The following ADGRB3 variants were observed in gnomAD, a reference collection of about 807,000 sequenced individuals.
ADGRB3 encodes brain-specific angiogenesis inhibitor 3.
ADGRB3 carries 37 observed loss-of-function variants against 193.4 expected under a neutral mutation model. The observed-to-expected ratio is 0.19, with a 90% CI of 0.15 to 0.25. ADGRB3 has a LOEUF of 0.25. Among genes scored for constraint, ADGRB3 ranks in the 10% least tolerant of loss-of-function variants. The pLI is 1.00. For synonymous variants in ADGRB3, 690 were observed against 644.2 expected (o/e 1.07, Z -1.08); for missense variants, 1,637 against 1,852.9 (o/e 0.88, Z 2.14).
chr6:68,967,934 C>T (rs895697995), intron 8 of ADGRB3, among the ~76,000 whole-genome samples: 1 of 151,988 alleles, frequency 6.6e-6, no homozygotes, highest in Non-Finnish European at 1.5e-5. Flanking sequence ...AAAGAACCTG[C>T]ACACAAGCTC....
At chr6:69,282,294 A>G (rs1425150004) in intron 20 of ADGRB3, among the ~76,000 whole-genome samples, 1 of 152,202 alleles carries the variant, frequency 6.6e-6, no homozygotes, top group Non-Finnish European at 1.5e-5. Flanking sequence ...GAACTAAATG[A>G]TGAGATGGGC....
chr6:68,936,743 A>G, intron 5 of ADGRB3, 63 bp downstream of exon 5: 2 of 1,521,080 alleles, frequency 1.3e-6, no homozygotes, highest in Non-Finnish European at 1.8e-6. Context: ...CGCATTTGGA[A>G]CGATTTGTTA....
chr6:68,742,055 A>G (rs1196625919), intron 3 of ADGRB3, among the ~76,000 whole-genome samples: 1 of 152,206 alleles, frequency 6.6e-6, no homozygotes, highest in Non-Finnish European at 1.5e-5. Context: ...AAATATGAAG[A>G]AAACTACATG....
chr6:68,948,633 G>A (rs1032666696), intron 6 of ADGRB3, among the ~76,000 whole-genome samples: 1 of 151,942 alleles, frequency 6.6e-6, no homozygotes, highest in Non-Finnish European at 1.5e-5. Flanking sequence ...TTTTCCCCTA[G>A]TCAGTAGTTG....
intron 17 of ADGRB3, among the ~76,000 whole-genome samples, chr6:69,115,949 T>A (rs1280942672): frequency 2.0e-5 from 3 of 152,286 alleles, no homozygotes; most frequent in Non-Finnish European, 4.4e-5. Flanking sequence ...AAAAGCATTT[T>A]AAGGAATTGG....
intron 17 of ADGRB3, among the ~76,000 whole-genome samples, chr6:69,173,339 G>A (rs1775338869): frequency 6.6e-6 from 1 of 152,228 alleles, no homozygotes; most frequent in African/African-American, 2.4e-5. Flanking sequence ...TGCCCAGCCA[G>A]GCCAGGCAAG....
chr6:68,913,658 A>G (rs566135726), intron 3 of ADGRB3, among the ~76,000 whole-genome samples: 1 of 152,260 alleles, frequency 6.6e-6, no homozygotes, highest in Non-Finnish European at 1.5e-5. Context: ...AAAGGAACAC[A>G]GTTCCTCACC....
chr6:68,703,194 A>G (rs1000026208), intron 3 of ADGRB3, among the ~76,000 whole-genome samples: 5 of 152,172 alleles, frequency 3.3e-5, no homozygotes, highest in Non-Finnish European at 7.3e-5. Flanking sequence ...AAGCGGCCAT[A>G]ATGTTGAACA....
At chr6:69,334,106 T>A (rs963699332) in intron 24 of ADGRB3, among the ~76,000 whole-genome samples, 1 of 151,984 alleles carries the variant, frequency 6.6e-6, no homozygotes, top group Non-Finnish European at 1.5e-5. Context: ...CATATAAATT[T>A]GTTGACACTT....
At chr6:68,668,155 C>CA (rs1205853517) in intron 3 of ADGRB3, among the ~76,000 whole-genome samples, 5 of 152,046 alleles carry the variant, frequency 3.3e-5, no homozygotes, top group East Asian at 1.9e-4. Flanking sequence ...CTGCTAGAGC[C>CA]AAAAAACTGA....
chr6:69,356,653 ACCTTTCTGTG>A (rs1339149388), intron 28 of ADGRB3, among the ~76,000 whole-genome samples: 1 of 152,114 alleles, frequency 6.6e-6, no homozygotes, highest in Admixed American at 6.6e-5. Flanking sequence ...AGTCAATTTA[ACCTTTCTGTG>A]CCTCTATTTT....
intron 20 of ADGRB3, among the ~76,000 whole-genome samples, chr6:69,316,753 C>T (rs1429488505): frequency 2.6e-5 from 4 of 151,364 alleles, no homozygotes; most frequent in African/African-American, 4.8e-5. Flanking sequence ...AAGAGGAGAG[C>T]AGGTAATATA....
chr6:68,987,061 C>T (rs1420521217), intron 10 of ADGRB3, among the ~76,000 whole-genome samples: 1 of 151,960 alleles, frequency 6.6e-6, no homozygotes, highest in Non-Finnish European at 1.5e-5. Flanking sequence ...TTGATCTTCT[C>T]AATAGTAGTA....
At chr6:69,110,060 G>A (rs919855585) in intron 17 of ADGRB3, among the ~76,000 whole-genome samples, 9 of 149,770 alleles carry the variant, frequency 6.0e-5, no homozygotes, top group African/African-American at 2.2e-4. Flanking sequence ...CGATTCTCCT[G>A]CCTCAGCACC....
At chr6:69,324,768 T>C (rs1561987827) in intron 20 of ADGRB3, 104 bp from the exon 21 acceptor site, 5 of 1,304,188 alleles carry the variant, frequency 3.8e-6, no homozygotes, top group Non-Finnish European at 5.3e-6. Context: ...AAGTAGATAT[T>C]TGAAATAAAA....
intron 6 of ADGRB3, among the ~76,000 whole-genome samples, chr6:68,955,263 A>G (rs1464680253): frequency 6.6e-6 from 1 of 152,174 alleles, no homozygotes; most frequent in Admixed American, 6.5e-5. Context: ...GGACCTTCCA[A>G]AGTCTTATCT....
intron 13 of ADGRB3, among the ~76,000 whole-genome samples, chr6:69,031,571 C>CTTTCTTTCTCTCTCTCT (rs1337493560): frequency 7.5e-5 from 8 of 106,852 alleles, no homozygotes; most frequent in Admixed American, 2.0e-4. Flanking sequence ...TTCTTTTCTT[C>CTTTCTTTCTCTCTCTCT]CTCTGTCTCT....
chr6:69,331,846 T>A, intron 23 of ADGRB3: 2 of 984,802 alleles, frequency 2.0e-6, no homozygotes, highest in Non-Finnish European at 2.4e-6. Flanking sequence ...GAATACACTT[T>A]TTCTCTTAGT....
intron 8 of ADGRB3, among the ~76,000 whole-genome samples, chr6:68,967,440 G>A (rs562638962): frequency 1.4e-4 from 21 of 152,200 alleles, no homozygotes; most frequent in African/African-American, 4.6e-4. Flanking sequence ...TGGTCCTATA[G>A]GATCTTAGTA....
Sources: allele counts gnomAD v4.1 joint callset (sites outside exome capture counted in the v4.1 genomes callset), GRCh38; gene constraint gnomAD v4.1.1; transcripts MANE v1.5; gene names NCBI Gene and HGNC (gene_info 2026-07-23, HGNC 2026-07-21).